CACNA1D: variants seen among roughly 807,000 people sequenced by gnomAD.
CACNA1D encodes calcium voltage-gated channel subunit alpha1 D.
Under a neutral mutation model 257.1 loss-of-function variants are expected in CACNA1D, and 55 were observed. The observed-to-expected ratio is 0.21, with a 90% CI of 0.17 to 0.27. CACNA1D has a LOEUF of 0.27. Ranked by LOEUF, CACNA1D falls within the 10% of genes least tolerant of loss-of-function variation. The pLI, the probability that CACNA1D is intolerant of heterozygous loss-of-function variation, is 1.00. For synonymous variants in CACNA1D, 980 were observed against 1,014.9 expected (o/e 0.97, Z 0.65); for missense variants, 1,876 against 2,784.0 (o/e 0.67, Z 7.34).
chr3:53,564,445 T>C (rs925547303), intron 3 of CACNA1D, among the ~76,000 whole-genome samples: 1 of 152,102 alleles, frequency 6.6e-6, no homozygotes, highest in Non-Finnish European at 1.5e-5. Context: ...TGCTGGGTTG[T>C]CTTTTGAATA....
chr3:53,576,423 G>C (rs747941433), intron 3 of CACNA1D, among the ~76,000 whole-genome samples: 6 of 152,188 alleles, frequency 3.9e-5, no homozygotes, highest in Non-Finnish European at 8.8e-5. Flanking sequence ...TCAGTGTGCA[G>C]AATTACTCGA....
At chr3:53,743,655 G>A (rs1274976546) in intron 22 of CACNA1D, among the ~76,000 whole-genome samples, 2 of 152,226 alleles carry the variant, frequency 1.3e-5, no homozygotes, top group African/African-American at 2.4e-5. Flanking sequence ...ATGGCATTTA[G>A]CGATTTCTGG....
chr3:53,639,505 G>A (rs553414626), intron 3 of CACNA1D, among the ~76,000 whole-genome samples: 1 of 151,958 alleles, frequency 6.6e-6, no homozygotes, highest in Non-Finnish European at 1.5e-5. Context: ...TCCTGTGTCA[G>A]CCTCCTGAGT....
chr3:53,730,236 A>G (rs1457185645), intron 15 of CACNA1D, among the ~76,000 whole-genome samples: 1 of 150,026 alleles, frequency 6.7e-6, no homozygotes, highest in Admixed American at 6.6e-5. Flanking sequence ...GTCCTTTTAC[A>G]GGTTTTTACT....
intron 29 of CACNA1D, among the ~76,000 whole-genome samples, chr3:53,755,422 C>T (rs571061131): frequency 1.1e-4 from 17 of 152,290 alleles, no homozygotes; most frequent in African/African-American, 3.9e-4. Context: ...TAGTGCACTG[C>T]CCAGTAGGCT....
Position 53,684,786 on chromosome 3 carries a change from G to A in CACNA1D, c.1220+11660G>A, listed in dbSNP as rs80311304. ...GGATAACCATACACAGAAGATAGAAGGAAGTTAAATGGAGCTTCACTGTGA... is the reference window on the plus strand; with the variant it reads ...GGATAACCATACACAGAAGATAGAAAGAAGTTAAATGGAGCTTCACTGTGA... On this transcript the variant is annotated intron_variant, in intron 8 of 47. Coordinates refer to ENST00000350061, the MANE Select transcript of CACNA1D (RefSeq NM_001128840.3). 5.6e-3 allele frequency among the ~76,000 whole-genome samples: 855 copies of A among 152,140 alleles called. 7 individuals carry two copies. Among genetic ancestry groups the A allele is most frequent in the African/African-American group, 0.019 (809 of 41,498 alleles).
chr3:53,553,527 G>A (rs1371307129), intron 3 of CACNA1D, among the ~76,000 whole-genome samples: 1 of 152,218 alleles, frequency 6.6e-6, no homozygotes, highest in Non-Finnish European at 1.5e-5. Context: ...TAATGTGTGT[G>A]TATGGGTATG....
rs1274872925 is a variant in CACNA1D at position 53,639,860 on chromosome 3, T to C, written c.484-10919T>C. On this transcript the variant is annotated intron_variant, in intron 3 of 47. Transcript: ENST00000350061. Reference sequence around the variant, plus strand: ...TTTGAAATGTTCACTCATTTCTTACTTTTTTTTTTTTTTTTTTTTTTGACA... The same window carrying C: ...TTTGAAATGTTCACTCATTTCTTACCTTTTTTTTTTTTTTTTTTTTTGACA... Among the ~76,000 whole-genome samples, 12 of 27,646 alleles carry C rather than the reference T, an allele frequency of 4.3e-4. No homozygotes were observed. In the East Asian group the frequency reaches 0.012, roughly 29 times the overall value. 18.1% of individuals were successfully genotyped at this position (27,646 alleles called of 152,430 possible).
At chr3:53,717,319 C>T (rs1354885051) in intron 9 of CACNA1D, among the ~76,000 whole-genome samples, 1 of 152,364 alleles carries the variant, frequency 6.6e-6, no homozygotes, top group Middle Eastern at 3.4e-3. Context: ...GAGCTGGGGG[C>T]TGCCTGTCCC....
At position 53,778,431 on chromosome 3, in the gene CACNA1D, C is replaced by T. The variant is rs1214880960; in HGVS notation, c.4587+1475C>T. Among the ~76,000 whole-genome samples, 7 of 152,178 alleles carry T rather than the reference C, an allele frequency of 4.6e-5. 1 individual carries two copies. Among genetic ancestry groups the T allele is most frequent in the South Asian group, 4.2e-4 (2 of 4,806 alleles). ...CCTGTGCTGGTTTTGAAGAGGGTGC[C>T]GGGGTTGGTAGGAGGACTAGGAATT... On this transcript the variant is annotated intron_variant, in intron 37 of 47. Transcript: ENST00000350061.
chr3:53,613,001 C>G (rs1416259877), intron 3 of CACNA1D, among the ~76,000 whole-genome samples: 1 of 151,964 alleles, frequency 6.6e-6, no homozygotes, highest in Non-Finnish European at 1.5e-5. Context: ...TATAAACAGG[C>G]CGAAAAATGC....
At chr3:53,541,816 ATTTGT>A (rs1442138733) in intron 3 of CACNA1D, among the ~76,000 whole-genome samples, 1 of 152,026 alleles carries the variant, frequency 6.6e-6, no homozygotes, top group East Asian at 1.9e-4. Context: ...GATGTAGTGT[ATTTGT>A]ATAACGGTCT....
At chr3:53,743,198 G>A (rs1177091137) in intron 22 of CACNA1D, 81 bp downstream of exon 22, 1 of 853,156 alleles carries the variant, frequency 1.2e-6, no homozygotes, top group Admixed American at 1.8e-5. Flanking sequence ...GATAAAGGCT[G>A]GGCATCATTT....
At chr3:53,566,633 CAG>C (rs1421402846) in intron 3 of CACNA1D, among the ~76,000 whole-genome samples, 1 of 152,180 alleles carries the variant, frequency 6.6e-6, no homozygotes, top group Non-Finnish European at 1.5e-5. Context: ...ACATGTGCCA[CAG>C]CGTGGCACAT....
chr3:53,677,994 C>T (rs892885348), intron 8 of CACNA1D, among the ~76,000 whole-genome samples: 2 of 152,144 alleles, frequency 1.3e-5, no homozygotes, highest in African/African-American at 4.8e-5. Flanking sequence ...GAAATTATGA[C>T]AGTTCAGGAA....
chr3:53,741,839 T>G (rs2095121178), intron 21 of CACNA1D, among the ~76,000 whole-genome samples: 1 of 152,212 alleles, frequency 6.6e-6, no homozygotes, highest in Non-Finnish European at 1.5e-5. Flanking sequence ...TTTATTTTAC[T>G]CTCCACATTT....
Position 53,495,016 on chromosome 3 carries a change from G to T in CACNA1D, c.-151G>T. ...CAATTATCCTTATTTTCTGTTATTT[G>T]TCCCCGTCCCTCCCCACCCCCCTGC... On this transcript the variant is annotated 5_prime_UTR_variant, in exon 1 of 48. Coordinates refer to ENST00000350061, the MANE Select transcript of CACNA1D (RefSeq NM_001128840.3). The surrounding 1 kb of genome is among the most constrained non-coding windows in gnomAD (Gnocchi z 5.1). 3.5e-5 allele frequency: 16 copies of T among 459,200 alleles called. No individual in the cohort carries two copies. The highest frequency in any genetic ancestry group is 5.2e-5 in the Admixed American group (2 of 38,288). The allele number at this position is 459,200 out of a possible 1,614,324, so 28.4% of individuals were successfully genotyped here.
At chr3:53,721,949 A>G (rs998793759) in intron 11 of CACNA1D, among the ~76,000 whole-genome samples, 4 of 152,176 alleles carry the variant, frequency 2.6e-5, no homozygotes, top group Non-Finnish European at 5.9e-5. Context: ...CATATGGTGG[A>G]TATAGGAACT....
At chr3:53,513,850 T>C (rs2107269159) in intron 3 of CACNA1D, among the ~76,000 whole-genome samples, 1 of 152,254 alleles carries the variant, frequency 6.6e-6, no homozygotes, top group South Asian at 2.1e-4. Flanking sequence ...ATACAACTGG[T>C]GTTATAATTG....
Sources: gnomAD v4.1 joint callset for allele counts (sites outside exome capture counted in the v4.1 genomes callset) on GRCh38, gnomAD v4.1.1 for gene constraint, Gnocchi (gnomAD v3.1) non-coding constraint, MANE v1.5 for transcripts, NCBI Gene and HGNC (gene_info 2026-07-23, HGNC 2026-07-21) for gene names.